Variants in DPYSL4 observed in about 807,000 individuals in gnomAD.
DPYSL4 encodes the protein dihydropyrimidinase-related protein 4.
Under a neutral mutation model 63.4 loss-of-function variants are expected in DPYSL4, and 43 were observed. The ratio of observed to expected loss-of-function variants is 0.68; its 90% CI spans 0.53 to 0.88. The LOEUF (loss-of-function observed/expected upper bound fraction) is 0.88, where lower values mean the gene tolerates loss of function less well. Among genes scored for constraint, DPYSL4 ranks in the 40% least tolerant of loss-of-function variants. DPYSL4 has a pLI of 0.00. For synonymous variants in DPYSL4, 353 were observed against 331.7 expected, an observed-to-expected ratio of 1.06 and a Z score of -0.70; for missense variants, 733 against 819.5, an observed-to-expected ratio of 0.89 and a Z score of 1.29.
At chr10:132,187,800 C>T (rs965623239) in intron 1 of DPYSL4, among the ~76,000 whole-genome samples, 5 of 152,228 alleles carry the variant, frequency 3.3e-5, no homozygotes, top group African/African-American at 4.8e-5. Context: ...AACACCCACA[C>T]GCACCGGCGC....
chr10:132,202,615 A>T (rs778705478), intron 11 of DPYSL4, 31 bp from the exon 12 acceptor site: 80 of 1,608,456 alleles, frequency 5.0e-5, no homozygotes, highest in Non-Finnish European at 6.6e-5. Context: ...CCCAGCGTGG[A>T]GGCACTGGAC....
rs78354331 is a variant in DPYSL4, at chr10:132,203,397, C to T, written c.1462-365C>T. Among the ~76,000 whole-genome samples, 13 of 152,360 alleles carry T rather than the reference C, an allele frequency of 8.5e-5. No homozygotes were observed. In the East Asian group the frequency reaches 1.5e-3, roughly 18 times the overall value. ...CCCAGACCACCAGGTGCTTCACACA[C>T]GCACAGGGGCACTCGCAGTGGCGTC... On this transcript the variant is annotated intron_variant, in intron 12 of 13. Transcript: ENST00000338492.
At chr10:132,203,050 C>G (rs141723107) in intron 12 of DPYSL4, among the ~76,000 whole-genome samples, 88 of 152,358 alleles carry the variant, frequency 5.8e-4, no homozygotes, top group African/African-American at 1.3e-3. Context: ...GGCCCTGGAT[C>G]AGCTCTGCAA....
chr10:132,199,693 GGGTGGT>G (rs1207265255), intron 8 of DPYSL4, among the ~76,000 whole-genome samples: 2 of 138,888 alleles, frequency 1.4e-5, no homozygotes, highest in African/African-American at 5.1e-5. Flanking sequence ...GTGGGGGGCG[GGGTGGT>G]GGTGGTGGTG....
chr10:132,200,357 G>T lies in DPYSL4; in HGVS notation c.813G>T (p.Gly271=), dbSNP rs570570002. Residue 271 remains glycine (G), a splice_region_variant and synonymous_variant, in exon 9 of 14, where the codon GGG becomes GGT. Transcript: ENST00000338492. The stretch of plus-strand genomic sequence containing the variant: ...CCTCTCATGGGCCTCGTGCTGCAGG[G>T]GTGGTCGTGTTTGGGGAGCCCATCA... The part of the protein sequence containing the change: ...ADAIAQAKRR[G]VVVFGEPITA... 2 of 1,613,194 alleles carry T rather than the reference G, an allele frequency of 1.2e-6. No individual in the cohort carries two copies. The highest frequency in any genetic ancestry group is 1.7e-6 in the Non-Finnish European group (2 of 1,179,878).
chr10:132,198,238 A>G (rs1474877204), intron 6 of DPYSL4, among the ~76,000 whole-genome samples, 177 bp from the exon 7 acceptor site: 1 of 152,096 alleles, frequency 6.6e-6, no homozygotes, highest in Non-Finnish European at 1.5e-5. Context: ...GGGAGCAGGA[A>G]TCACACCTCT....
At chr10:132,200,066 T>C (rs564721038) in intron 8 of DPYSL4, among the ~76,000 whole-genome samples, 2 of 152,104 alleles carry the variant, frequency 1.3e-5, no homozygotes, top group Non-Finnish European at 1.5e-5. Flanking sequence ...AGGCACGCCC[T>C]GGCCCCGCTG....
intron 1 of DPYSL4, among the ~76,000 whole-genome samples, chr10:132,187,498 C>T (rs979185864): frequency 2.6e-5 from 4 of 151,916 alleles, no homozygotes; most frequent in East Asian, 1.9e-4. Flanking sequence ...GGTCGGGTGG[C>T]GAGGCGGGCG....
At chr10:132,189,624 G>A (rs2061848469) in intron 1 of DPYSL4, among the ~76,000 whole-genome samples, 1 of 149,012 alleles carries the variant, frequency 6.7e-6, no homozygotes, top group African/African-American at 2.4e-5. Flanking sequence ...TCACCCCCAT[G>A]GCCTCTTGGT....
At position 132,202,870 on chromosome 10, in the gene DPYSL4, C is replaced by T. The variant is rs375372444; in HGVS notation, c.1461+45C>T. 6.3e-5 allele frequency: 97 copies of T among 1,550,498 alleles called. No homozygotes were observed. The Middle Eastern group carries it at 7.0e-4, about 11-fold the overall frequency. On this transcript the variant is annotated intron_variant, in intron 12 of 13. Transcript: ENST00000338492. ...GGTGTTGTGCAGGTAGGCAGGTGGG[C>T]GCTGAGTTCTAGGCCCAGAACGCAC...
chr10:132,194,458 G>A (rs1456155874), intron 3 of DPYSL4, among the ~76,000 whole-genome samples: 1 of 152,190 alleles, frequency 6.6e-6, no homozygotes, highest in Non-Finnish European at 1.5e-5. Context: ...CAGCACCTTG[G>A]ACAGCGCACT....
intron 11 of DPYSL4, among the ~76,000 whole-genome samples, 175 bp downstream of exon 11, chr10:132,202,291 C>A (rs1044844873): frequency 2.0e-5 from 3 of 152,262 alleles, no homozygotes; most frequent in Admixed American, 6.5e-5. Context: ...GCCCTGTCCA[C>A]GTCACCTCGC....
chr10:132,197,900 T>C (rs975695632), intron 6 of DPYSL4, among the ~76,000 whole-genome samples: 2 of 152,204 alleles, frequency 1.3e-5, no homozygotes, highest in African/African-American at 4.8e-5. Flanking sequence ...GAGGTTGTCC[T>C]GGGTCTAGGG....
At chr10:132,192,359 G>T in intron 2 of DPYSL4, 2 of 1,049,888 alleles carry the variant, frequency 1.9e-6, no homozygotes, top group Non-Finnish European at 2.3e-6. Flanking sequence ...ACCTGCTTCC[G>T]TTTGTCAAGC....
At chr10:132,187,195 TGGGGG>T in intron 1 of DPYSL4, 93 bp downstream of exon 1, 1 of 922,684 alleles carries the variant, frequency 1.1e-6, no homozygotes. Context: ...TGTGCGTGGG[TGGGGG>T]GTCCCTGCCT....
In DPYSL4 at chr10:132,201,016, G is replaced by A. The variant is rs936937405; in HGVS notation, c.1110+33G>A. The A allele has an allele frequency of 3.1e-6, 5 of 1,607,730 alleles. No individual in the cohort carries two copies. The African/African-American group carries it at 6.7e-5, about 21-fold the overall frequency. ...CAGGCCTGGCCGGGGCACGCCGTCT[G>A]GGGAGCGGCTGTGGGCGGGATTGTG... is the stretch of plus-strand genomic sequence containing the variant. On this transcript the variant is annotated intron_variant, in intron 10 of 13. Coordinates refer to ENST00000338492, the MANE Select transcript of DPYSL4 (RefSeq NM_006426.3).
chr10:132,198,309 G>A (rs1401335767), intron 6 of DPYSL4, 106 bp from the exon 7 acceptor site: 21 of 1,072,310 alleles, frequency 2.0e-5, no homozygotes, highest in Non-Finnish European at 2.8e-5. Flanking sequence ...GGAGGCCTGG[G>A]GGTCCAGGAC....
intron 3 of DPYSL4, among the ~76,000 whole-genome samples, 186 bp from the exon 4 acceptor site, chr10:132,194,657 CTT>C (rs1204180616): frequency 1.3e-5 from 2 of 152,194 alleles, no homozygotes; most frequent in Admixed American, 6.5e-5. Flanking sequence ...GAAGGTTCCT[CTT>C]TGAACAAAGC....
In DPYSL4 at chr10:132,187,016, C is replaced by G. The variant is rs1590084352; in HGVS notation, c.-48C>G. 2 of 257,562 alleles carry G rather than the reference C, an allele frequency of 7.8e-6. 1 individual carries two copies. Among genetic ancestry groups the G allele is most frequent in the Admixed American group, 1.2e-4 (2 of 16,958 alleles). 16.0% of individuals were successfully genotyped at this position (257,562 alleles called of 1,614,324 possible). On this transcript the variant is annotated 5_prime_UTR_variant, in exon 1 of 14. Coordinates refer to ENST00000338492, the MANE Select transcript of DPYSL4 (RefSeq NM_006426.3). The stretch of plus-strand genomic sequence containing the variant: ...GCGTCCCCCCGCCCGCCCGCCCGCC[C>G]GCCCGCCCCCGCTTGTGCCGCCCCT...
Sources: gnomAD v4.1 joint callset for allele counts (sites outside exome capture counted in the v4.1 genomes callset) on GRCh38, gnomAD v4.1.1 for gene constraint, MANE v1.5 for transcripts, NCBI Gene and HGNC (gene_info 2026-07-23, HGNC 2026-07-21) for gene names.